GNAQ: variants seen among roughly 807,000 people sequenced by gnomAD.
GNAQ encodes the protein guanine nucleotide-binding protein G(q) subunit alpha.
In GNAQ, 8 loss-of-function variants were observed where a neutral mutation model predicts 43.9. The ratio of observed to expected loss-of-function variants is 0.18; its 90% confidence interval spans 0.11 to 0.33. The LOEUF is 0.33. Among genes scored for constraint, GNAQ ranks in the 10% least tolerant of loss-of-function variants. The pLI is 1.00. For synonymous variants in GNAQ, 155 were observed against 170.7 expected (o/e 0.91, Z 0.71); for missense variants, 158 against 450.8 (o/e 0.35, Z 5.88).
At chr9:77,723,650 A>T (rs1241468895) in intron 6 of GNAQ, among the ~76,000 whole-genome samples, 2 of 152,254 alleles carry the variant, frequency 1.3e-5, no homozygotes, top group African/African-American at 4.8e-5. Flanking sequence ...ATATGCATGA[A>T]CTGTGAGAAC....
chr9:77,973,694 A>G (rs911118328), intron 1 of GNAQ, among the ~76,000 whole-genome samples: 11 of 151,980 alleles, frequency 7.2e-5, no homozygotes, highest in African/African-American at 1.2e-4. Context: ...GCGTGTGCCT[A>G]TGATCTTTAG....
chr9:77,827,073 C>T (rs1827209002), intron 2 of GNAQ, among the ~76,000 whole-genome samples: 1 of 151,926 alleles, frequency 6.6e-6, no homozygotes, highest in African/African-American at 2.4e-5. Flanking sequence ...ATTTTATAGC[C>T]ATAACTGTTT....
At chr9:77,816,138 C>T (rs1247826564) in intron 2 of GNAQ, among the ~76,000 whole-genome samples, 1 of 152,134 alleles carries the variant, frequency 6.6e-6, no homozygotes, top group African/African-American at 2.4e-5. Context: ...TAATTATCCC[C>T]TCTATGTTTA....
rs1825255020 is a variant in GNAQ at position 77,718,272 on chromosome 9, T to C, written c.*3051A>G. On this transcript the variant is annotated 3_prime_UTR_variant, in exon 7 of 7. Transcript: ENST00000286548. ...TAACGCTTGCAATCACAATATAATA[T>C]AAAGCATGAGTAAACTTTGTTTTTA... 1 of 232,546 alleles carries C rather than the reference T, an allele frequency of 4.3e-6. No homozygotes were observed. Among genetic ancestry groups the C allele is most frequent in the South Asian group, 1.8e-4 (1 of 5,530 alleles). 14.4% of individuals were successfully genotyped at this position (232,546 alleles called of 1,614,324 possible). A position where few individuals can be genotyped will look rare whatever the true frequency, so the allele number is the denominator to read the frequency against.
At chr9:77,890,833 T>C (rs1298108269) in intron 2 of GNAQ, among the ~76,000 whole-genome samples, 1 of 152,160 alleles carries the variant, frequency 6.6e-6, no homozygotes, top group Non-Finnish European at 1.5e-5. Context: ...CGTCAGATGG[T>C]AGTATCTTAC....
chr9:77,915,691 T>C (rs1202402005), intron 2 of GNAQ, among the ~76,000 whole-genome samples: 1 of 152,156 alleles, frequency 6.6e-6, no homozygotes, highest in Non-Finnish European at 1.5e-5. Flanking sequence ...CTTATTATAT[T>C]CAATCCTTAG....
At chr9:77,991,578 T>A (rs1587449706) in intron 1 of GNAQ, among the ~76,000 whole-genome samples, 2 of 152,192 alleles carry the variant, frequency 1.3e-5, no homozygotes, top group Admixed American at 1.3e-4. Flanking sequence ...AATCTTTTTT[T>A]AATTTCAATA....
At position 77,725,579 on chromosome 9, in the gene GNAQ, TAAAAAAAAA is replaced by T. The variant is rs55766160; in HGVS notation, c.889+2926_889+2934del. ...TATGTATACTGGGGTAAGGTAACAGTAAAAAAAAAAAAAAAAAAAAAAAAAAGTCTTCAG... is the reference window on the plus strand; with the variant it reads ...TATGTATACTGGGGTAAGGTAACAGTAAAAAAAAAAAAAAAAAGTCTTCAG... On this transcript the variant is annotated intron_variant, in intron 6 of 6. Coordinates refer to ENST00000286548, the MANE Select transcript of GNAQ (RefSeq NM_002072.5). Among the ~76,000 whole-genome samples the T allele has an allele frequency of 1.7e-3, 98 of 57,142 alleles. 1 individual carries two copies. The East Asian group carries it at 0.034, about 20-fold the overall frequency. 37.5% of individuals were successfully genotyped at this position (57,142 alleles called of 152,430 possible). A position where few individuals can be genotyped will look rare whatever the true frequency, so the allele number is the denominator to read the frequency against.
At chr9:77,838,796 T>C (rs550385664) in intron 2 of GNAQ, among the ~76,000 whole-genome samples, 7 of 152,030 alleles carry the variant, frequency 4.6e-5, no homozygotes, top group Admixed American at 6.6e-5. Flanking sequence ...TACAATTTAA[T>C]ATATATATAT....
chr9:77,747,082 G>A (rs544543625), intron 5 of GNAQ, among the ~76,000 whole-genome samples: 1 of 152,228 alleles, frequency 6.6e-6, no homozygotes, highest in South Asian at 2.1e-4. Context: ...GCTGGTGGTA[G>A]TTACCCAAAT....
chr9:77,884,409 T>C (rs1450384858), intron 2 of GNAQ, among the ~76,000 whole-genome samples: 2 of 152,194 alleles, frequency 1.3e-5, no homozygotes, highest in Non-Finnish European at 2.9e-5. Flanking sequence ...TGCAAACGAC[T>C]ATTAGGAAAC....
chr9:77,849,696 C>T (rs2117918551), intron 2 of GNAQ, among the ~76,000 whole-genome samples: 3 of 152,262 alleles, frequency 2.0e-5, no homozygotes, highest in Admixed American at 2.0e-4. Flanking sequence ...TCTTACTTGC[C>T]TTCTCTGATG....
intron 1 of GNAQ, among the ~76,000 whole-genome samples, chr9:77,947,006 G>A (rs997075250): frequency 1.3e-5 from 2 of 152,168 alleles, no homozygotes; most frequent in Non-Finnish European, 2.9e-5. Flanking sequence ...TGCCCTCTCC[G>A]GGCTACGCCC....
intron 3 of GNAQ, among the ~76,000 whole-genome samples, chr9:77,812,266 G>A (rs1826940866): frequency 6.6e-6 from 1 of 152,166 alleles, no homozygotes; most frequent in Admixed American, 6.6e-5. Context: ...ACTGCTCAAT[G>A]ACAAACTAAC....
In GNAQ at chr9:77,962,072, C is replaced by A. The variant is rs138025140; in HGVS notation, c.137-39727G>T. On this transcript the variant is annotated intron_variant, in intron 1 of 6. Coordinates refer to ENST00000286548, the MANE Select transcript of GNAQ (RefSeq NM_002072.5). ...CAGATAGAAATAAGAGCAGATGAGA[C>A]TGAAAAGAAAACATATGTGAACCTG... Among the ~76,000 whole-genome samples, 3 of 151,768 alleles carry A rather than the reference C, an allele frequency of 2.0e-5. No homozygotes were observed. In the East Asian group the frequency reaches 5.8e-4, roughly 29 times the overall value.
chr9:77,856,466 G>A lies in GNAQ; in HGVS notation c.322-40696C>T, dbSNP rs977318075. 5.9e-5 allele frequency among the ~76,000 whole-genome samples: 9 copies of A among 152,020 alleles called. No homozygotes were observed. The South Asian group carries it at 8.3e-4, about 14-fold the overall frequency. Reference sequence around the variant, plus strand: ...ATTAACTCAACTTTTTAATAAACTGGGGAAACTAGGACTTTCTTCTAGAGT... The same window carrying A: ...ATTAACTCAACTTTTTAATAAACTGAGGAAACTAGGACTTTCTTCTAGAGT... On this transcript the variant is annotated intron_variant, in intron 2 of 6. Coordinates refer to ENST00000286548, the MANE Select transcript of GNAQ (RefSeq NM_002072.5).
At chr9:77,880,369 C>T (rs1274505730) in intron 2 of GNAQ, among the ~76,000 whole-genome samples, 2 of 151,854 alleles carry the variant, frequency 1.3e-5, no homozygotes, top group Non-Finnish European at 2.9e-5. Flanking sequence ...TCTTGGTGGA[C>T]CGTATTTTCT....
intron 1 of GNAQ, among the ~76,000 whole-genome samples, chr9:78,013,231 G>C (rs947447846): frequency 4.0e-5 from 6 of 151,762 alleles, no homozygotes; most frequent in Non-Finnish European, 1.5e-5. Context: ...TTTATGCTTA[G>C]CCTTTTAATA....
intron 1 of GNAQ, among the ~76,000 whole-genome samples, chr9:78,002,573 T>C (rs535687414): frequency 6.6e-6 from 1 of 152,280 alleles, no homozygotes; most frequent in Non-Finnish European, 1.5e-5. Flanking sequence ...TCAGCTGACT[T>C]TTCAAAGGAT....
Sources: allele counts gnomAD v4.1 joint callset (sites outside exome capture counted in the v4.1 genomes callset), GRCh38; gene constraint gnomAD v4.1.1; transcripts MANE v1.5; gene names NCBI Gene and HGNC (gene_info 2026-07-23, HGNC 2026-07-21).